Variants in RCC1L observed in about 807,000 individuals in gnomAD.
RCC1L encodes RCC1 like.
A neutral mutation model predicts 58.6 loss-of-function variants in RCC1L; 46 were observed. The ratio of observed to expected loss-of-function variants is 0.79; its 90% CI spans 0.62 to 1.00. The LOEUF (loss-of-function observed/expected upper bound fraction) is 1.00. RCC1L is among the 50% of genes least tolerant of loss of function. The pLI, the probability that RCC1L is intolerant of heterozygous loss-of-function variation, is 0.00. For missense variants in RCC1L, 636 were observed against 623.6 expected (o/e 1.02, Z -0.21); for synonymous variants, 281 against 262.9 (o/e 1.07, Z -0.67).
At chr7:75,068,242 T>A (rs1415021467) in intron 2 of RCC1L, among the ~76,000 whole-genome samples, 1 of 143,520 alleles carries the variant, frequency 7.0e-6, no homozygotes, top group Non-Finnish European at 1.5e-5. Flanking sequence ...ATTGCTTAAA[T>A]CCAGGAGGAG....
chr7:75,057,503 A>G (rs910292370), intron 8 of RCC1L, 26 bp downstream of exon 8: 61 of 1,611,872 alleles, frequency 3.8e-5, no homozygotes, highest in African/African-American at 1.5e-4. Flanking sequence ...CAGCTTCCCA[A>G]TGAGCCACCG....
chr7:75,040,618 G>A (rs2131973801), downstream of RCC1L, among the ~76,000 whole-genome samples: 2 of 152,122 alleles, frequency 1.3e-5, no homozygotes, highest in African/African-American at 4.8e-5. Context: ...GACCTCCAGG[G>A]GCACTTACCA....
intron 10 of RCC1L, among the ~76,000 whole-genome samples, chr7:75,048,818 A>C (rs1805824589): frequency 6.6e-6 from 1 of 152,230 alleles, no homozygotes; most frequent in Non-Finnish European, 1.5e-5. Flanking sequence ...CACCAGCTTC[A>C]GGCTCGCCCA....
chr7:75,043,136 G>C, intron 10 of RCC1L, 27 bp from the exon 11 acceptor site: 1 of 1,613,442 alleles, frequency 6.2e-7, no homozygotes, highest in Admixed American at 1.7e-5. Context: ...AGCATACCAT[G>C]GGTGGGGGTG....
At position 75,042,565 on chromosome 7, in the gene RCC1L, G is replaced by A. The variant is rs1162098062; in HGVS notation, c.*467C>T. Reference sequence around the variant, plus strand: ...GAGCAGGGTGGCCTGAATGAAAACCGAGGGCCGAAGCCAGCCTGACTCCCT... The same window carrying A: ...GAGCAGGGTGGCCTGAATGAAAACCAAGGGCCGAAGCCAGCCTGACTCCCT... On this transcript the variant is annotated 3_prime_UTR_variant, in exon 11 of 11. Transcript: ENST00000610322. 1.3e-5 allele frequency: 13 copies of A among 999,088 alleles called. No homozygotes were observed. The Admixed American group carries it at 1.6e-4, about 12-fold the overall frequency. The allele number at this position is 999,088 out of a possible 1,614,324, so 61.9% of individuals were successfully genotyped here.
chr7:75,073,265 C>A (rs1806831618), intron 1 of RCC1L, 149 bp downstream of exon 1: 1 of 447,720 alleles, frequency 2.2e-6, no homozygotes, highest in Non-Finnish European at 3.9e-6. Flanking sequence ...ACGCCTTCCC[C>A]TCCTGGGCTT....
downstream of RCC1L, among the ~76,000 whole-genome samples, chr7:75,041,371 C>A (rs954953910): frequency 6.6e-6 from 1 of 152,036 alleles, no homozygotes; most frequent in South Asian, 2.1e-4. Flanking sequence ...CTTCACGGTG[C>A]GGGGATTTTT....
At chr7:75,056,870 G>C in intron 8 of RCC1L, 1 of 837,318 alleles carries the variant, frequency 1.2e-6, no homozygotes. Context: ...CCAGTGCAGT[G>C]GCATGATCAT....
chr7:75,072,295 G>A (rs1554446272), intron 1 of RCC1L, among the ~76,000 whole-genome samples: 2 of 149,088 alleles, frequency 1.3e-5, no homozygotes, highest in Admixed American at 1.4e-4. Context: ...CCAAAGTGCT[G>A]AAATTACAGG....
At chr7:75,048,699 T>C (rs1563073394) in intron 10 of RCC1L, among the ~76,000 whole-genome samples, 1 of 152,226 alleles carries the variant, frequency 6.6e-6, no homozygotes, top group Non-Finnish European at 1.5e-5. Flanking sequence ...CCACACCCCC[T>C]CGCTGCCTGC....
At chr7:75,072,954 A>G (rs929914259) in intron 1 of RCC1L, among the ~76,000 whole-genome samples, 21 of 152,270 alleles carry the variant, frequency 1.4e-4, no homozygotes, top group Middle Eastern at 6.8e-3. Context: ...AAATAAATTA[A>G]AACAAAAAAA....
At position 75,042,546 on chromosome 7, in the gene RCC1L, G is replaced by A; in HGVS notation, c.*486C>T. 2.0e-6 allele frequency: 2 copies of A among 998,608 alleles called. No homozygotes were observed. Among genetic ancestry groups the A allele is most frequent in the Non-Finnish European group, 2.4e-6 (2 of 837,156 alleles). The allele number at this position is 998,608 out of a possible 1,614,324, so 61.9% of individuals were successfully genotyped here. ...GGCGGCCAGGAAGGGCCATGAGCAG[G>A]GTGGCCTGAATGAAAACCGAGGGCC... On this transcript the variant is annotated 3_prime_UTR_variant, in exon 11 of 11. Transcript: ENST00000610322.
chr7:75,046,135 G>A (rs1805713323), intron 10 of RCC1L, among the ~76,000 whole-genome samples: 1 of 152,244 alleles, frequency 6.6e-6, no homozygotes, highest in African/African-American at 2.4e-5. Context: ...CACAGCAGAT[G>A]GATGCTAGAA....
At chr7:75,072,161 C>CAT (rs1165938365) in intron 1 of RCC1L, among the ~76,000 whole-genome samples, 2,265 of 46,370 alleles carry the variant, frequency 0.049, 171 homozygotes, top group African/African-American at 0.054. Context: ...TATACATATA[C>CAT]ATATATATAT....
chr7:75,072,166 A>ATG lies in RCC1L; in HGVS notation c.324+1247_324+1248insCA, dbSNP rs1806774948. On this transcript the variant is annotated intron_variant, in intron 1 of 10. Coordinates refer to ENST00000610322, the MANE Select transcript of RCC1L (RefSeq NM_030798.5). ...TACATATACATATACATATACATATATATATATATATATATATATATATAT... is the reference window on the plus strand; with the variant it reads ...TACATATACATATACATATACATATATGTATATATATATATATATATATATAT... Among the ~76,000 whole-genome samples the ATG allele has an allele frequency of 5.6e-3, 333 of 59,580 alleles. 16 individuals are homozygous for ATG. Among genetic ancestry groups the ATG allele is most frequent in the African/African-American group, 0.017 (313 of 18,188 alleles). The allele number at this position is 59,580 out of a possible 152,430, so 39.1% of individuals were successfully genotyped here.
intron 1 of RCC1L, among the ~76,000 whole-genome samples, chr7:75,072,045 A>G (rs1419104732): frequency 1.3e-5 from 2 of 148,966 alleles, no homozygotes; most frequent in Non-Finnish European, 3.0e-5. Context: ...GCAGTGACCC[A>G]TGATCACGCC....
At chr7:75,064,117 G>C (rs950724587) in intron 4 of RCC1L, among the ~76,000 whole-genome samples, 4 of 152,070 alleles carry the variant, frequency 2.6e-5, no homozygotes, top group African/African-American at 9.7e-5. Flanking sequence ...AGATCATGAG[G>C]TCAAGAGATG....
downstream of RCC1L, among the ~76,000 whole-genome samples, chr7:75,037,436 G>A (rs1434468363): frequency 2.6e-5 from 4 of 151,776 alleles, no homozygotes; most frequent in African/African-American, 7.3e-5. Context: ...TGATCCGTCC[G>A]CCTCGGCCTC....
intron 2 of RCC1L, among the ~76,000 whole-genome samples, chr7:75,069,356 C>T (rs1201814886): frequency 1.3e-5 from 2 of 151,978 alleles, no homozygotes; most frequent in Non-Finnish European, 2.9e-5. Flanking sequence ...CCATGCTCAG[C>T]TAATTCTTTT....
Sources: gnomAD v4.1 joint callset for allele counts (sites outside exome capture counted in the v4.1 genomes callset) on GRCh38, gnomAD v4.1.1 for gene constraint, MANE v1.5 for transcripts, NCBI Gene and HGNC (gene_info 2026-07-23, HGNC 2026-07-21) for gene names.